The following FAM227A variants were observed in gnomAD, a reference collection of about 807,000 sequenced individuals.
The protein encoded by FAM227A is family with sequence similarity 227 member A.
FAM227A carries 80 observed loss-of-function variants against 74.7 expected under a neutral mutation model. That is an observed-to-expected ratio of 1.07 (90% CI 0.89 to 1.29). FAM227A has a LOEUF of 1.29. Among genes scored for constraint, FAM227A ranks in the 50% most tolerant of loss-of-function variants. The probability of loss-of-function intolerance (pLI) is 0.00; values close to 1 mark genes in which losing one functional copy is unlikely to be tolerated. For missense variants in FAM227A, 654 were observed against 683.4 expected (o/e 0.96, Z 0.48); for synonymous variants, 237 against 241.8 (o/e 0.98, Z 0.19).
At chr22:38,588,292 T>C (rs959641173) in intron 16 of FAM227A, among the ~76,000 whole-genome samples, 1 of 152,064 alleles carries the variant, frequency 6.6e-6, no homozygotes, top group African/African-American at 2.4e-5. Flanking sequence ...TTCTATACGT[T>C]GAAAATGCCA....
At chr22:38,631,696 A>G (rs1004762583) in intron 6 of FAM227A, among the ~76,000 whole-genome samples, 3 of 152,116 alleles carry the variant, frequency 2.0e-5, no homozygotes, top group African/African-American at 7.2e-5. Flanking sequence ...GTGGCGAAAG[A>G]GCAAGCAGGA....
At chr22:38,626,126 C>G in intron 9 of FAM227A, 54 bp downstream of exon 9, 2 of 1,539,700 alleles carry the variant, frequency 1.3e-6, no homozygotes, top group East Asian at 2.5e-5. Flanking sequence ...TAGGTGCCAG[C>G]GGAAAACATT....
At chr22:38,611,762 T>C (rs533922702) in intron 11 of FAM227A, among the ~76,000 whole-genome samples, 34 of 152,292 alleles carry the variant, frequency 2.2e-4, no homozygotes, top group Non-Finnish European at 4.4e-4. Flanking sequence ...TATTTTGGCT[T>C]GGGTAGAAAT....
At chr22:38,641,968 TGTGTGTGCGCACGTGTGTGTGCGC>T (rs1466538784) in intron 3 of FAM227A, among the ~76,000 whole-genome samples, 1 of 146,212 alleles carries the variant, frequency 6.8e-6, no homozygotes, top group African/African-American at 2.6e-5. Context: ...TGTGTGTGTG[TGTGTGTGCGCACGTGTGTGTGCGC>T]GTGTGTTTGA....
Position 38,628,948 on chromosome 22 carries a change from A to T in FAM227A, c.520-13T>A. Reference sequence around the variant, plus strand: ...CTGAACAGAAATGCTTGGAAAAAAAAATTCACAGTATTATTATTGTTGTTA... The same window carrying T: ...CTGAACAGAAATGCTTGGAAAAAAATATTCACAGTATTATTATTGTTGTTA... On this transcript the variant is annotated splice_polypyrimidine_tract_variant and intron_variant, in intron 6 of 16. Transcript: ENST00000535113. The T allele has an allele frequency of 7.3e-7, 1 of 1,362,836 alleles. No individual in the cohort carries two copies. The highest frequency in any genetic ancestry group is 1.0e-6 in the Non-Finnish European group (1 of 992,420). The allele number at this position is 1,362,836 out of a possible 1,614,324, so 84.4% of individuals were successfully genotyped here.
chr22:38,590,778 C>T (rs1175293617), intron 16 of FAM227A, among the ~76,000 whole-genome samples: 1 of 152,120 alleles, frequency 6.6e-6, no homozygotes, highest in East Asian at 1.9e-4. Context: ...GTGAGTAATA[C>T]ATAAAAGTAA....
intron 11 of FAM227A, among the ~76,000 whole-genome samples, chr22:38,615,653 T>TG (rs985172436): frequency 5.3e-5 from 8 of 152,166 alleles, no homozygotes; most frequent in East Asian, 1.9e-4. Flanking sequence ...GCACCTGCAG[T>TG]GGGGGGGCCT....
chr22:38,641,635 ATCTT>A lies in FAM227A; in HGVS notation c.226-1915_226-1912del, dbSNP rs1288002285. Among the ~76,000 whole-genome samples the A allele has an allele frequency of 6.6e-5, 10 of 151,772 alleles. 1 individual carries two copies. Among genetic ancestry groups the A allele is most frequent in the Admixed American group, 5.9e-4 (9 of 15,246 alleles). On this transcript the variant is annotated intron_variant, in intron 3 of 16. Transcript: ENST00000535113. ...GCTCACAGGATCTCTCAAAGAGTAC[ATCTT>A]CATCATTGTAATCCTCTGCCTCATA... is the stretch of plus-strand genomic sequence containing the variant.
chr22:38,613,399 T>TGATATATATAATATATAATTGTATA lies in FAM227A; in HGVS notation c.1039-5924_1039-5923insTATACAATTATATATTATATATATC, dbSNP rs1384735438. ...TATAACATATATTATATAATATATA[T>TGATATATATAATATATAATTGTATA]TTATAATATATATGATATATATAAT... On this transcript the variant is annotated intron_variant, in intron 11 of 16. Coordinates refer to ENST00000535113, the MANE Select transcript of FAM227A (RefSeq NM_001013647.2). Among the ~76,000 whole-genome samples the TGATATATATAATATATAATTGTATA allele has an allele frequency of 6.0e-4, 20 of 33,178 alleles. 1 individual carries two copies. The highest frequency in any genetic ancestry group is 2.2e-3 in the Admixed American group (4 of 1,790). The allele number at this position is 33,178 out of a possible 152,430, so 21.8% of individuals were successfully genotyped here. A position where few individuals can be genotyped will look rare whatever the true frequency, so the allele number is the denominator to read the frequency against.
chr22:38,653,333 A>G (rs1434441410), intron 1 of FAM227A, among the ~76,000 whole-genome samples: 1 of 151,868 alleles, frequency 6.6e-6, no homozygotes, highest in Non-Finnish European at 1.5e-5. Flanking sequence ...ATTATATGTT[A>G]CAATGTAATA....
At chr22:38,613,092 ATATT>A (rs1489011780) in intron 11 of FAM227A, among the ~76,000 whole-genome samples, 1 of 96,092 alleles carries the variant, frequency 1.0e-5, no homozygotes, top group Admixed American at 2.1e-4. Flanking sequence ...TTATATATAT[ATATT>A]ATATATAATT....
intron 2 of FAM227A, 143 bp downstream of exon 2, chr22:38,649,874 AAAAAAGAAAG>A (rs1448932022): frequency 4.5e-5 from 33 of 729,498 alleles, no homozygotes; most frequent in South Asian, 3.1e-4. Flanking sequence ...TCTCAAAAAA[AAAAAAGAAAG>A]AAAAGAAAAG....
intron 11 of FAM227A, among the ~76,000 whole-genome samples, chr22:38,609,917 G>A (rs1307238452): frequency 5.3e-5 from 8 of 152,182 alleles, no homozygotes; most frequent in East Asian, 3.9e-4. Flanking sequence ...GACTACGGGC[G>A]CCCGCCACCA....
Position 38,590,323 on chromosome 22 carries a change from A to G in FAM227A, c.1638+1112T>C, listed in dbSNP as rs116173325. On this transcript the variant is annotated intron_variant, in intron 16 of 16. Transcript: ENST00000535113. ...AAAAAGATGTTTTGGATATGCAAAG[A>G]CTCAAATAATTTCCCATATACCTTC... Among the ~76,000 whole-genome samples, 238 of 151,334 alleles carry G rather than the reference A, an allele frequency of 1.6e-3. 1 individual carries two copies. Among genetic ancestry groups the G allele is most frequent in the African/African-American group, 5.5e-3 (228 of 41,286 alleles).
In FAM227A at chr22:38,636,595, T is replaced by C. The variant is rs1366847702; in HGVS notation, c.375A>G (p.Lys125=). Residue 125 remains lysine (K), a splice_region_variant and synonymous_variant, in exon 6 of 17, where the codon AAA becomes AAG. Transcript: ENST00000535113. ...RHARSSVIKR[K]TADKNLLAEL... is the part of the protein sequence containing the mutation. The stretch of plus-strand genomic sequence containing the variant: ...CTGCCAGCAGATTTTTATCTGCTGT[T>C]TTCTGAAGCAAAAGAGCAGAATATG... The C allele has an allele frequency of 1.3e-6, 2 of 1,550,636 alleles. No individual in the cohort carries two copies. Among genetic ancestry groups the C allele is most frequent in the Admixed American group, 3.9e-5 (2 of 50,672 alleles).
At chr22:38,635,083 A>C (rs943934663) in intron 6 of FAM227A, among the ~76,000 whole-genome samples, 2 of 152,094 alleles carry the variant, frequency 1.3e-5, no homozygotes, top group Middle Eastern at 3.4e-3. Context: ...GTTTCTAATA[A>C]AAATACAAAT....
rs149159041 is a variant in FAM227A, at chr22:38,591,874, G to A, written c.1533-334C>T. ...TAGCACAGTTGTGTTTTAAGGCACC[G>A]CTTTTATCTGTAGACAAAACTTTGA... On this transcript the variant is annotated intron_variant, in intron 15 of 16. Transcript: ENST00000535113. 2.8e-3 allele frequency among the ~76,000 whole-genome samples: 431 copies of A among 152,028 alleles called. 3 individuals are homozygous for A. The highest frequency in any genetic ancestry group is 0.01 in the African/African-American group (418 of 41,456).
chr22:38,636,732 A>ATC (rs1343650707), intron 5 of FAM227A, 135 bp from the exon 6 acceptor site: 11 of 677,442 alleles, frequency 1.6e-5, no homozygotes, highest in Non-Finnish European at 2.1e-5. Context: ...GGTGTTTAGG[A>ATC]TCCTAGGACC....
intron 10 of FAM227A, 21 bp downstream of exon 10, chr22:38,623,151 A>G: frequency 6.7e-7 from 1 of 1,496,854 alleles, no homozygotes; most frequent in Non-Finnish European, 9.1e-7. Context: ...AGAAGGCGGG[A>G]GGCTGTACCT....
Sources: allele counts gnomAD v4.1 joint callset (sites outside exome capture counted in the v4.1 genomes callset), GRCh38; gene constraint gnomAD v4.1.1; transcripts MANE v1.5; gene names NCBI Gene and HGNC (gene_info 2026-07-23, HGNC 2026-07-21).